Variants in NLGN1 observed in about 807,000 individuals in gnomAD.
NLGN1 encodes neuroligin 1.
Under a neutral mutation model 65.5 loss-of-function variants are expected in NLGN1, and 12 were observed. The ratio of observed to expected loss-of-function variants is 0.18; its 90% CI spans 0.12 to 0.30. The LOEUF (loss-of-function observed/expected upper bound fraction) is 0.30, where lower values mean the gene tolerates loss of function less well. NLGN1 is among the 10% of genes least tolerant of loss of function. The probability of loss-of-function intolerance (pLI) is 1.00; values close to 1 mark genes in which losing one functional copy is unlikely to be tolerated. For missense variants in NLGN1, 750 were observed against 1,007.1 expected, an observed-to-expected ratio of 0.74 and a Z score of 3.46; for synonymous variants, 350 against 359.5, an observed-to-expected ratio of 0.97 and a Z score of 0.30.
intron 3 of NLGN1, among the ~76,000 whole-genome samples, chr3:173,749,105 A>C (rs932032399): frequency 6.6e-6 from 1 of 152,124 alleles, no homozygotes; most frequent in Non-Finnish European, 1.5e-5. Flanking sequence ...AATATAAGGC[A>C]GAGAACCCTA....
At chr3:173,919,502 A>G (rs1368396053) in intron 4 of NLGN1, among the ~76,000 whole-genome samples, 1 of 152,212 alleles carries the variant, frequency 6.6e-6, no homozygotes, top group Non-Finnish European at 1.5e-5. Context: ...CACATTTCAC[A>G]GAAGAGGAAA....
rs75022141 is a variant in NLGN1, at chr3:174,251,933, G to A, written c.647-23382G>A. 6.7e-4 allele frequency among the ~76,000 whole-genome samples: 102 copies of A among 152,188 alleles called. No individual in the cohort carries two copies. In the East Asian group the frequency reaches 0.015, roughly 22 times the overall value. On this transcript the variant is annotated intron_variant, in intron 4 of 6. Coordinates refer to ENST00000457714, the Ensembl canonical transcript of NLGN1. ...AAAAAAGAAAACTGGCTTAAGCTAC[G>A]TAGATATTTCAGCTCTGGAAAAAGT...
intron 4 of NLGN1, among the ~76,000 whole-genome samples, chr3:174,215,945 G>A (rs113812924): frequency 0.011 from 1,670 of 152,088 alleles, 40 homozygotes; most frequent in African/African-American, 0.038. Context: ...AGAGCCAAAC[G>A]GCTTTATACT....
intron 4 of NLGN1, among the ~76,000 whole-genome samples, chr3:173,992,637 TTG>T (rs1366601089): frequency 1.3e-5 from 2 of 152,208 alleles, no homozygotes; most frequent in African/African-American, 4.8e-5. Context: ...AAAATAGATG[TTG>T]TGGTGACTTT....
chr3:173,436,086 A>G lies in NLGN1; in HGVS notation c.-321+1008A>G, dbSNP rs1483980887. 5.3e-5 allele frequency among the ~76,000 whole-genome samples: 8 copies of G among 152,344 alleles called. No individual in the cohort carries two copies. The East Asian group carries it at 1.4e-3, about 26-fold the overall frequency. On this transcript the variant is annotated intron_variant, in intron 2 of 6. Transcript: ENST00000457714. ...TGATGTATGTTATTAGAGCATGTCT[A>G]TAACTCGCTTTTTACATCAATTTAC... is the stretch of plus-strand genomic sequence containing the variant.
chr3:173,515,628 C>A (rs1412581608), intron 2 of NLGN1, among the ~76,000 whole-genome samples: 1 of 152,016 alleles, frequency 6.6e-6, no homozygotes, highest in East Asian at 1.9e-4. Context: ...GATCTTACAT[C>A]TAAGTGTTTA....
At chr3:173,535,283 T>C (rs187763276) in intron 2 of NLGN1, among the ~76,000 whole-genome samples, 2 of 152,132 alleles carry the variant, frequency 1.3e-5, no homozygotes, top group South Asian at 4.1e-4. Context: ...GTTCCTAATA[T>C]GGAAAAAACT....
At chr3:173,859,321 C>A (rs1728623719) in intron 4 of NLGN1, among the ~76,000 whole-genome samples, 1 of 152,056 alleles carries the variant, frequency 6.6e-6, no homozygotes, top group African/African-American at 2.4e-5. Flanking sequence ...CTTCCTGTTT[C>A]CATTCAAAGG....
At chr3:174,204,381 GGATT>G in intron 4 of NLGN1, among the ~76,000 whole-genome samples, 1 of 152,174 alleles carries the variant, frequency 6.6e-6, no homozygotes, top group Non-Finnish European at 1.5e-5. Context: ...GCAAAAGCAT[GGATT>G]AATTGTGTTT....
chr3:173,522,608 T>C (rs1334624824), intron 2 of NLGN1, among the ~76,000 whole-genome samples: 6 of 150,378 alleles, frequency 4.0e-5, no homozygotes, highest in Middle Eastern at 3.4e-3. Flanking sequence ...TTTTTTTTTG[T>C]ATTTTTAGTA....
chr3:174,007,371 A>G (rs1724648881), intron 4 of NLGN1, among the ~76,000 whole-genome samples: 1 of 152,200 alleles, frequency 6.6e-6, no homozygotes, highest in African/African-American at 2.4e-5. Context: ...CTTTAATGAA[A>G]ACATGTTATT....
chr3:174,164,522 C>T (rs1727149222), intron 4 of NLGN1, among the ~76,000 whole-genome samples: 2 of 151,908 alleles, frequency 1.3e-5, no homozygotes, highest in Non-Finnish European at 2.9e-5. Flanking sequence ...TAATCTATCT[C>T]GAGTTAATTT....
intron 2 of NLGN1, among the ~76,000 whole-genome samples, chr3:173,538,758 G>A (rs1024880151): frequency 6.6e-6 from 1 of 152,094 alleles, no homozygotes; most frequent in Non-Finnish European, 1.5e-5. Context: ...AGGTAATTGC[G>A]GAAAGAAGCC....
chr3:173,411,783 C>T (rs1171126168), intron 1 of NLGN1, among the ~76,000 whole-genome samples: 1 of 151,992 alleles, frequency 6.6e-6, no homozygotes, highest in African/African-American at 2.4e-5. Context: ...GGGCTTCTAC[C>T]TACTTTTTCC....
Position 173,973,073 on chromosome 3 carries a change from A to T in NLGN1, c.646+165241A>T, listed in dbSNP as rs75567912. Among the ~76,000 whole-genome samples the T allele has an allele frequency of 2.4e-3, 372 of 152,198 alleles. 3 individuals are homozygous for T. The highest frequency in any genetic ancestry group is 8.5e-3 in the African/African-American group (355 of 41,544). ...AACCTCTCCTTGTCTCAGTTTCTTC[A>T]TCTGTAAAATGAGGATAACTAGCAA... is the stretch of plus-strand genomic sequence containing the variant. On this transcript the variant is annotated intron_variant, in intron 4 of 6. Transcript: ENST00000457714.
At chr3:174,261,369 G>C (rs1329342311) in intron 4 of NLGN1, among the ~76,000 whole-genome samples, 1 of 144,120 alleles carries the variant, frequency 6.9e-6, no homozygotes, top group African/African-American at 2.6e-5. Flanking sequence ...CTTGAGCAGT[G>C]GTTTGTAGTT....
chr3:174,186,689 T>C (rs984106457), intron 4 of NLGN1, among the ~76,000 whole-genome samples: 1 of 152,002 alleles, frequency 6.6e-6, no homozygotes, highest in Non-Finnish European at 1.5e-5. Flanking sequence ...CAGAAATCAA[T>C]AAAAGAGCAG....
chr3:174,029,052 C>T (rs1391285765), intron 4 of NLGN1, among the ~76,000 whole-genome samples: 1 of 152,154 alleles, frequency 6.6e-6, no homozygotes, highest in African/African-American at 2.4e-5. Flanking sequence ...TCTGCTAAGG[C>T]AAAAGGAAAA....
At chr3:173,627,600 T>A (rs1755023680) in intron 3 of NLGN1, among the ~76,000 whole-genome samples, 1 of 152,094 alleles carries the variant, frequency 6.6e-6, no homozygotes, top group African/African-American at 2.4e-5. Context: ...TATTTTTAAT[T>A]TTTTGAGGAA....
Sources: gnomAD v4.1 joint callset for allele counts (sites outside exome capture counted in the v4.1 genomes callset) on GRCh38, gnomAD v4.1.1 for gene constraint, MANE v1.5 for transcripts, NCBI Gene and HGNC (gene_info 2026-07-23, HGNC 2026-07-21) for gene names.